Variants in KBTBD3 observed in about 807,000 individuals in gnomAD.
The protein encoded by KBTBD3 is kelch repeat and BTB domain containing 3.
KBTBD3 carries 38 observed loss-of-function variants against 49.6 expected under a neutral mutation model. The ratio of observed to expected loss-of-function variants is 0.77; its 90% CI spans 0.59 to 1.00. The LOEUF (loss-of-function observed/expected upper bound fraction) is 1.00, where lower values mean the gene tolerates loss of function less well. Among genes scored for constraint, KBTBD3 ranks in the 50% least tolerant of loss-of-function variants. The probability of loss-of-function intolerance (pLI) is 0.00; values close to 1 mark genes in which losing one functional copy is unlikely to be tolerated. For synonymous variants in KBTBD3, 214 were observed against 250.4 expected (o/e 0.85, Z 1.37); for missense variants, 661 against 712.0 (o/e 0.93, Z 0.81).
intron 2 of KBTBD3, among the ~76,000 whole-genome samples, chr11:106,064,094 T>A (rs1860757910): frequency 6.6e-6 from 1 of 152,204 alleles, no homozygotes; most frequent in South Asian, 2.1e-4. Context: ...AGCAGCTCTC[T>A]AATAATTCCT....
chr11:106,055,903 G>A (rs886752753), intron 3 of KBTBD3, among the ~76,000 whole-genome samples: 1 of 152,104 alleles, frequency 6.6e-6, no homozygotes, highest in Non-Finnish European at 1.5e-5. Context: ...GAAGACACGT[G>A]TAAGATTATA....
intron 2 of KBTBD3, among the ~76,000 whole-genome samples, chr11:106,062,319 G>T (rs531122897): frequency 2.4e-4 from 36 of 152,278 alleles, no homozygotes; most frequent in African/African-American, 8.7e-4. Context: ...GAGAGCAAGA[G>T]AGAGAGACAG....
At position 106,053,991 on chromosome 11, in the gene KBTBD3, T is replaced by C. The variant is rs751190808; in HGVS notation, c.698A>G (p.Tyr233Cys). ...TKHNLESRQKYLPHLIEKVRL... is the reference protein window; with the variant it reads ...TKHNLESRQKCLPHLIEKVRL... The stretch of plus-strand genomic sequence containing the variant: ...CACTTTTTCAATCAAATGAGGCAGA[T>C]ACTTTTGCCTTGATTCTAAGTTATG... The change falls in exon 4 of 4, where the codon TAT becomes TGT. Residue 233 changes from tyrosine to cysteine, a missense_variant. By Grantham distance (194) the Tyr-to-Cys change is radical (BLOSUM62 -2). Transcript: ENST00000531837. The C allele has an allele frequency of 1.4e-4, 229 of 1,613,738 alleles. No homozygotes were observed. The highest frequency in any genetic ancestry group is 1.8e-4 in the Non-Finnish European group (216 of 1,179,866).
intron 3 of KBTBD3, among the ~76,000 whole-genome samples, chr11:106,055,711 G>A (rs1209493789): frequency 6.6e-6 from 1 of 152,052 alleles, no homozygotes; most frequent in African/African-American, 2.4e-5. Context: ...ACTTTATTGT[G>A]CTTCAAATTC....
intron 2 of KBTBD3, among the ~76,000 whole-genome samples, chr11:106,072,352 A>G (rs918935078): frequency 1.3e-5 from 2 of 152,166 alleles, no homozygotes; most frequent in African/African-American, 4.8e-5. Flanking sequence ...TGTAGGTGCA[A>G]GGGTGTTATA....
intron 2 of KBTBD3, among the ~76,000 whole-genome samples, chr11:106,074,574 TA>T (rs1345123431): frequency 1.3e-5 from 2 of 152,226 alleles, no homozygotes; most frequent in Non-Finnish European, 2.9e-5. Context: ...CTTCTCAGTC[TA>T]ATTAGAGGGC....
At chr11:106,065,829 T>C (rs1860799050) in intron 2 of KBTBD3, among the ~76,000 whole-genome samples, 1 of 151,604 alleles carries the variant, frequency 6.6e-6, no homozygotes, top group African/African-American at 2.4e-5. Flanking sequence ...GGCATGGTAG[T>C]GGGCACCTAT....
chr11:106,069,594 TA>T (rs540046688), intron 2 of KBTBD3, among the ~76,000 whole-genome samples: 45 of 144,630 alleles, frequency 3.1e-4, no homozygotes, highest in Non-Finnish European at 3.5e-4. Context: ...TATAAAATGC[TA>T]AAAAAAAAAA....
rs1860469197 is a variant in KBTBD3 at position 106,053,396 on chromosome 11, G to A, written c.1293C>T (p.Ser431=). Residue 431 remains serine (S), a synonymous_variant, in exon 4 of 4, where the codon TCC becomes TCT. Transcript: ENST00000531837. ...ATGGGCTAACAGATATCCATTCTTT[G>A]GAAAGAGGATTGTAAGATTCAACAT... ...LLDVESYNPL[S]KEWISVSPLP... is the part of the protein sequence containing the mutation. 1.2e-6 allele frequency: 2 copies of A among 1,613,186 alleles called. No homozygotes were observed. The highest frequency in any genetic ancestry group is 1.1e-5 in the South Asian group (1 of 91,054).
rs753092290 is a variant in KBTBD3, at chr11:106,053,823, C to G, written c.866G>C (p.Arg289Pro). ...TATGTATTTCTCAGTTGTGGATGGT[C>G]GAGCATCAGGGAAGAGTCCACCAGA... Reference protein sequence around the residue: ...QGSGGLFPDARPSTTEKYIFI... With the variant: ...QGSGGLFPDAPPSTTEKYIFI... Residue 289 changes from arginine (R) to proline (P), a missense_variant, in exon 4 of 4, where the codon CGA becomes CCA. Arg to Pro is a moderately radical substitution (Grantham distance 103). Transcript: ENST00000531837. 4.3e-6 allele frequency: 7 copies of G among 1,613,738 alleles called. No individual in the cohort carries two copies. The Admixed American group carries it at 8.3e-5, about 19-fold the overall frequency.
rs926191952 is a variant in KBTBD3 at position 106,052,489 on chromosome 11, A to G, written c.*361T>C. On this transcript the variant is annotated 3_prime_UTR_variant, in exon 4 of 4. Transcript: ENST00000531837. ...TCACCTCTGATTTATTTTTTACTTCATATAAGATACAGTGTAATTCATTTT... is the reference window on the plus strand; with the variant it reads ...TCACCTCTGATTTATTTTTTACTTCGTATAAGATACAGTGTAATTCATTTT... 2.4e-5 allele frequency: 4 copies of G among 164,914 alleles called. No homozygotes were observed. The highest frequency in any genetic ancestry group is 9.6e-5 in the African/African-American group (4 of 41,750). The allele number at this position is 164,914 out of a possible 1,614,324, so 10.2% of individuals were successfully genotyped here.
chr11:106,064,041 A>T (rs75505058), intron 2 of KBTBD3, among the ~76,000 whole-genome samples: 8 of 152,346 alleles, frequency 5.3e-5, no homozygotes, highest in Non-Finnish European at 1.2e-4. Context: ...GACATTAATC[A>T]ATAAGTTTAC....
At chr11:106,056,723 T>C (rs966975899) in intron 3 of KBTBD3, among the ~76,000 whole-genome samples, 5 of 152,214 alleles carry the variant, frequency 3.3e-5, no homozygotes, top group African/African-American at 9.6e-5. Flanking sequence ...AGGAGTTAAG[T>C]AACTTGCCTA....
chr11:106,055,683 C>G (rs1302665897), intron 3 of KBTBD3, among the ~76,000 whole-genome samples: 1 of 152,022 alleles, frequency 6.6e-6, no homozygotes, highest in African/African-American at 2.4e-5. Flanking sequence ...AGCTGTGTGG[C>G]CTTGGGGAGG....
At chr11:106,069,894 T>A (rs1860885570) in intron 2 of KBTBD3, among the ~76,000 whole-genome samples, 1 of 152,062 alleles carries the variant, frequency 6.6e-6, no homozygotes, top group Admixed American at 6.5e-5. Context: ...CTGTGTAATA[T>A]TAGTGAAAGG....
chr11:106,057,400 C>T (rs1401706922), intron 3 of KBTBD3: 3 of 151,942 alleles, frequency 2.0e-5, no homozygotes, highest in Admixed American at 2.0e-4. Flanking sequence ...AAATTGCTTC[C>T]ACAAATGAAC....
rs1056821252 is a variant in KBTBD3, at chr11:106,051,216, T to C, written c.*1634A>G. On this transcript the variant is annotated 3_prime_UTR_variant, in exon 4 of 4. Transcript: ENST00000531837. ...GTGTTATGGTCTTTCTCAAATAATT[T>C]GTTTTCAAAGCCACACACACACAAA... 2 of 152,004 alleles carry C rather than the reference T, an allele frequency of 1.3e-5. No homozygotes were observed. Among genetic ancestry groups the C allele is most frequent in the African/African-American group, 4.8e-5 (2 of 41,532 alleles). 9.4% of individuals were successfully genotyped at this position (152,004 alleles called of 1,614,324 possible).
At chr11:106,066,476 C>A in intron 2 of KBTBD3, among the ~76,000 whole-genome samples, 1 of 151,966 alleles carries the variant, frequency 6.6e-6, no homozygotes, top group Non-Finnish European at 1.5e-5. Flanking sequence ...ATGCTTATTC[C>A]ACTAAATGTC....
intron 2 of KBTBD3, among the ~76,000 whole-genome samples, chr11:106,069,539 C>T (rs78561580): frequency 0.013 from 1,989 of 149,702 alleles, 26 homozygotes; most frequent in Non-Finnish European, 0.017. Context: ...GAAATACTTA[C>T]GTATAAATCT....
Sources: allele counts gnomAD v4.1 joint callset (sites outside exome capture counted in the v4.1 genomes callset), GRCh38; gene constraint gnomAD v4.1.1; transcripts MANE v1.5; gene names NCBI Gene and HGNC (gene_info 2026-07-23, HGNC 2026-07-21).